Variants in PRIM2 observed in about 807,000 individuals in gnomAD.
PRIM2 encodes DNA primase large subunit.
PRIM2 carries 39 observed loss-of-function variants against 67.3 expected under a neutral mutation model. The ratio of observed to expected loss-of-function variants is 0.58; its 90% CI spans 0.45 to 0.76. PRIM2 has a LOEUF of 0.76. PRIM2 is among the 30% of genes least tolerant of loss of function. PRIM2 has a pLI of 0.00. For missense variants in PRIM2, 398 were observed against 598.7 expected, an observed-to-expected ratio of 0.66 and a Z score of 3.50; for synonymous variants, 143 against 198.7, an observed-to-expected ratio of 0.72 and a Z score of 2.36.
chr6:57,471,280 G>C (rs1773332076), intron 7 of PRIM2, among the ~76,000 whole-genome samples: 1 of 152,070 alleles, frequency 6.6e-6, no homozygotes, highest in South Asian at 2.1e-4. Flanking sequence ...AAGAGCAGGA[G>C]AGCCAAGGGG....
At chr6:57,540,222 G>T (rs1295127539) in intron 10 of PRIM2, among the ~76,000 whole-genome samples, 1 of 152,182 alleles carries the variant, frequency 6.6e-6, no homozygotes, top group South Asian at 2.1e-4. Flanking sequence ...ATGGAACTGT[G>T]TGTCTGTCTG....
intron 7 of PRIM2, among the ~76,000 whole-genome samples, chr6:57,462,039 A>G (rs2127397543): frequency 6.6e-6 from 1 of 152,338 alleles, no homozygotes; most frequent in Admixed American, 6.5e-5. Flanking sequence ...AGGTTAAAAG[A>G]TGACTGACAC....
intron 7 of PRIM2, among the ~76,000 whole-genome samples, chr6:57,465,175 A>ATGTGTGGAAATCCCTT (rs1773143790): frequency 6.6e-6 from 1 of 152,138 alleles, no homozygotes; most frequent in Non-Finnish European, 1.5e-5. Context: ...GGAAATTCCT[A>ATGTGTGGAAATCCCTT]TGTGTGGAAA....
chr6:57,622,419 G>A (rs1776876351), intron 12 of PRIM2, among the ~76,000 whole-genome samples: 1 of 152,118 alleles, frequency 6.6e-6, no homozygotes. Context: ...TTTCTACAGT[G>A]TATTTTAATG....
At chr6:57,431,634 A>G (rs1771832573) in intron 7 of PRIM2, among the ~76,000 whole-genome samples, 2 of 152,232 alleles carry the variant, frequency 1.3e-5, no homozygotes, top group South Asian at 4.2e-4. Context: ...TCGACAGAGA[A>G]AGACCCTGCC....
rs34491627 is a variant in PRIM2 at position 57,418,383 on chromosome 6, GTTTTTTTTTTTTTTTT to G, written c.693+36234_693+36249del. Among the ~76,000 whole-genome samples, 1,021 of 47,364 alleles carry G rather than the reference GTTTTTTTTTTTTTTTT, an allele frequency of 0.022. 118 individuals carry two copies. In the East Asian group the frequency reaches 0.35, roughly 16 times the overall value. 31.1% of individuals were successfully genotyped at this position (47,364 alleles called of 152,430 possible). A position where few individuals can be genotyped will look rare whatever the true frequency, so the allele number is the denominator to read the frequency against. On this transcript the variant is annotated intron_variant, in intron 7 of 13. Transcript: ENST00000615550. ...TAAGGTAATGTTTCCTATGTGTGTG[GTTTTTTTTTTTTTTTT>G]TTTTTTTTTTTTTTTTTTAACAGAT...
chr6:57,348,112 G>C (rs1768737195), intron 5 of PRIM2, among the ~76,000 whole-genome samples: 2 of 151,972 alleles, frequency 1.3e-5, no homozygotes, highest in Admixed American at 6.6e-5. Flanking sequence ...AGCTTTCTCG[G>C]TATAATATTG....
At chr6:57,346,772 A>G (rs1191744780) in intron 5 of PRIM2, among the ~76,000 whole-genome samples, 4 of 152,166 alleles carry the variant, frequency 2.6e-5, no homozygotes, top group Admixed American at 2.0e-4. Context: ...TTGGATGAGA[A>G]TAAGAACCAG....
At position 57,382,260 on chromosome 6, in the gene PRIM2, A is replaced by T. The variant is rs538701580; in HGVS notation, c.693+92A>T. ...TTATTCTGTGTTTCTCTAGGAAATA[A>T]GTTAATTCAGTTTTCATAATGATAT... is the stretch of plus-strand genomic sequence containing the variant. On this transcript the variant is annotated intron_variant, in intron 7 of 13. Coordinates refer to ENST00000615550, the MANE Select transcript of PRIM2 (RefSeq NM_000947.5). The T allele has an allele frequency of 2.2e-6, 3 of 1,334,074 alleles. No individual in the cohort carries two copies. In the East Asian group the frequency reaches 7.2e-5, roughly 32 times the overall value. 82.6% of individuals were successfully genotyped at this position (1,334,074 alleles called of 1,614,324 possible).
intron 7 of PRIM2, among the ~76,000 whole-genome samples, chr6:57,388,240 T>C (rs2014400): frequency 0.55 from 83,750 of 151,982 alleles, 23,371 homozygotes; most frequent in South Asian, 0.63. Flanking sequence ...ATGTTTTAAA[T>C]AGATGACTGT....
the PRIM2 span, among the ~76,000 whole-genome samples, chr6:57,252,199 G>C: frequency 6.6e-6 from 1 of 152,140 alleles, no homozygotes; most frequent in African/African-American, 2.4e-5. Context: ...TTTATCTCTT[G>C]ATTCTGTGAT....
chr6:57,643,989 A>T (rs1777291353), intron 13 of PRIM2, among the ~76,000 whole-genome samples: 3 of 152,286 alleles, frequency 2.0e-5, no homozygotes, highest in African/African-American at 7.2e-5. Context: ...TTCATTCTAG[A>T]CCATGGCAGC....
At chr6:57,420,171 C>A (rs1298921035) in intron 7 of PRIM2, among the ~76,000 whole-genome samples, 1 of 152,126 alleles carries the variant, frequency 6.6e-6, no homozygotes, top group Non-Finnish European at 1.5e-5. Context: ...TGTTTTAGAA[C>A]TAATTAGTTC....
intron 10 of PRIM2, among the ~76,000 whole-genome samples, chr6:57,555,236 C>A (rs1273699710): frequency 6.6e-5 from 10 of 152,084 alleles, no homozygotes; most frequent in Non-Finnish European, 1.5e-4. Flanking sequence ...GAATGCTAAC[C>A]TTTATTAAGT....
intron 7 of PRIM2, among the ~76,000 whole-genome samples, chr6:57,416,556 T>A (rs1483167601): frequency 2.6e-5 from 4 of 152,194 alleles, no homozygotes; most frequent in South Asian, 2.1e-4. Flanking sequence ...GAAGCCAGGC[T>A]TTGACTTCTC....
chr6:57,286,237 C>T, the PRIM2 span, among the ~76,000 whole-genome samples: 17 of 152,126 alleles, frequency 1.1e-4, no homozygotes, highest in African/African-American at 2.4e-4. Context: ...TGACTTTCTT[C>T]GCAGAACTAG....
chr6:57,489,423 G>A (rs1442365068), intron 7 of PRIM2, among the ~76,000 whole-genome samples: 126 of 152,402 alleles, frequency 8.3e-4, no homozygotes, highest in African/African-American at 3.0e-3. Context: ...TGGGCGTGGT[G>A]GTGGGCACCT....
At chr6:57,628,127 A>G (rs1776984411) in intron 12 of PRIM2, among the ~76,000 whole-genome samples, 2 of 152,178 alleles carry the variant, frequency 1.3e-5, no homozygotes, top group African/African-American at 4.8e-5. Context: ...TTAGACTTTG[A>G]TACTTACAAG....
At chr6:57,364,854 T>A (rs896171918) in intron 5 of PRIM2, among the ~76,000 whole-genome samples, 1 of 152,168 alleles carries the variant, frequency 6.6e-6, no homozygotes, top group African/African-American at 2.4e-5. Context: ...AACTAAATAT[T>A]AGTTTAACAG....
Sources: allele counts gnomAD v4.1 joint callset (sites outside exome capture counted in the v4.1 genomes callset), GRCh38; gene constraint gnomAD v4.1.1; transcripts MANE v1.5; gene names NCBI Gene and HGNC (gene_info 2026-07-23, HGNC 2026-07-21).